The following IL34 variants were observed in gnomAD, a reference collection of about 807,000 sequenced individuals.
IL34 encodes the protein interleukin-34.
Under a neutral mutation model 25.3 loss-of-function variants are expected in IL34, and 17 were observed. That is an observed-to-expected ratio of 0.67 (90% confidence interval 0.46 to 1.01). The LOEUF (loss-of-function observed/expected upper bound fraction) is 1.01. Ranked by LOEUF, IL34 falls within the 50% of genes least tolerant of loss-of-function variation. IL34 has a pLI of 0.00. For missense variants in IL34, 368 were observed against 312.9 expected (o/e 1.18, Z -1.33); for synonymous variants, 174 against 140.9 (o/e 1.23, Z -1.66).
chr16:70,595,997 C>T (rs191812404), intron 1 of IL34, among the ~76,000 whole-genome samples: 14 of 147,366 alleles, frequency 9.5e-5, no homozygotes, highest in East Asian at 8.0e-4. Context: ...GGCGACACAG[C>T]GAGACCCCGT....
intron 1 of IL34, among the ~76,000 whole-genome samples, chr16:70,613,703 A>G (rs1373912429): frequency 6.6e-6 from 1 of 151,630 alleles, no homozygotes; most frequent in East Asian, 1.9e-4. Context: ...GTGAAACCCT[A>G]TCTCTACTAA....
At chr16:70,619,960 G>T (rs937220498) in intron 1 of IL34, among the ~76,000 whole-genome samples, 3 of 150,150 alleles carry the variant, frequency 2.0e-5, no homozygotes, top group Non-Finnish European at 3.0e-5. Context: ...CTGGAGGAAC[G>T]CCTGGCCGCT....
At position 70,632,006 on chromosome 16, in the gene IL34, TAGG is replaced by T. The variant is rs140106967; in HGVS notation, c.-400-14537_-400-14535del. On this transcript the variant is annotated intron_variant, in intron 1 of 6. Coordinates refer to the IL34 transcript ENST00000429149. ...ATCCCAGCTACTTGGGAGGCTGAGG[TAGG>T]AGGATTACCTGAGCCTGGGGAGGTC... 1.2e-3 allele frequency among the ~76,000 whole-genome samples: 183 copies of T among 150,454 alleles called. 1 individual carries two copies. The highest frequency in any genetic ancestry group is 2.3e-3 in the Non-Finnish European group (158 of 67,768).
intron 1 of IL34, among the ~76,000 whole-genome samples, chr16:70,624,714 G>T (rs189478107): frequency 6.6e-6 from 1 of 152,012 alleles, no homozygotes; most frequent in Non-Finnish European, 1.5e-5. Context: ...GTGGGGAAGG[G>T]CTAGTCACTG....
intron 1 of IL34, among the ~76,000 whole-genome samples, chr16:70,592,029 G>A (rs926418927): frequency 2.0e-5 from 3 of 152,000 alleles, no homozygotes; most frequent in Non-Finnish European, 4.4e-5. Flanking sequence ...CTCCTCCAGG[G>A]TTCCACAGTG....
chr16:70,596,719 C>T (rs2151813294), intron 1 of IL34, among the ~76,000 whole-genome samples: 1 of 152,284 alleles, frequency 6.6e-6, no homozygotes, highest in Admixed American at 6.5e-5. Context: ...GTAATGGTAG[C>T]TTACCACTGA....
chr16:70,606,082 G>A (rs1159087726), intron 1 of IL34, among the ~76,000 whole-genome samples: 1 of 149,954 alleles, frequency 6.7e-6, no homozygotes, highest in Non-Finnish European at 1.5e-5. Flanking sequence ...CTGCACAAAA[G>A]TGCATACTTG....
At chr16:70,631,432 A>G (rs1180437944) in intron 1 of IL34, among the ~76,000 whole-genome samples, 1 of 152,220 alleles carries the variant, frequency 6.6e-6, no homozygotes, top group Non-Finnish European at 1.5e-5. Context: ...TTTCCAATTT[A>G]TTCTTGTTTT....
In IL34 at chr16:70,654,394, A is replaced by G. The variant is rs907061560; in HGVS notation, c.29-144A>G. On this transcript the variant is annotated intron_variant, in intron 1 of 5. Coordinates refer to ENST00000288098, the MANE Select transcript of IL34 (RefSeq NM_001393494.1). ...AGCCAGACCCCAGGGAAAGCATTCCAGATCCCGTGCCCCCCACCACACCTT... is the reference window on the plus strand; with the variant it reads ...AGCCAGACCCCAGGGAAAGCATTCCGGATCCCGTGCCCCCCACCACACCTT... 7.2e-6 allele frequency: 8 copies of G among 1,108,688 alleles called. No individual in the cohort carries two copies. In the African/African-American group the frequency reaches 1.3e-4, roughly 17 times the overall value. The allele number at this position is 1,108,688 out of a possible 1,614,324, so 68.7% of individuals were successfully genotyped here.
chr16:70,602,050 C>T (rs998226143), intron 1 of IL34, among the ~76,000 whole-genome samples: 4 of 152,184 alleles, frequency 2.6e-5, no homozygotes, highest in Admixed American at 2.6e-4. Context: ...GAGTGGACTG[C>T]CCTGACAAGC....
At chr16:70,609,077 TTTA>T (rs1038106478) in intron 1 of IL34, among the ~76,000 whole-genome samples, 2 of 152,066 alleles carry the variant, frequency 1.3e-5, no homozygotes, top group Middle Eastern at 3.2e-3. Flanking sequence ...ATTATGTTTA[TTTA>T]TTATTATTAT....
At position 70,660,144 on chromosome 16, in the gene IL34, CGGTGAGG is replaced by C; in HGVS notation, c.687_693del (p.Val230ArgfsTer17). On this transcript the variant is annotated frameshift_variant, in exon 6 of 6. Transcript: ENST00000288098. LOFTEE classifies it low-confidence loss of function (END_TRUNC). ...AGCTCCCCGCCTCACTCCACGGGCT[CGGTGAGG>C]CCGGTCAGGGCACAGGGCGAGGGCC... 1 of 1,608,416 alleles carries C rather than the reference CGGTGAGG, an allele frequency of 6.2e-7. No homozygotes were observed.
chr16:70,649,391 G>A (rs1487785513), intron 1 of IL34, among the ~76,000 whole-genome samples: 2 of 152,200 alleles, frequency 1.3e-5, no homozygotes, highest in African/African-American at 2.4e-5. Flanking sequence ...GCTATGGAAA[G>A]CGGTGGTAAC....
intron 1 of IL34, among the ~76,000 whole-genome samples, chr16:70,634,551 G>A (rs190756128): frequency 7.8e-4 from 118 of 152,070 alleles, no homozygotes; most frequent in Middle Eastern, 6.8e-3. Flanking sequence ...GTGGTGGCAC[G>A]TGCCTATAAT....
In IL34 at chr16:70,591,602, C is replaced by T. The variant is rs1182223303; in HGVS notation, c.-401+11553C>T. On this transcript the variant is annotated intron_variant, in intron 1 of 6. Transcript: ENST00000429149. ...AAAAAAAAAAAAAGAATGGCCCTCA[C>T]CGTCCTCCCACCCTGCCCCTGTTAG... 3.3e-5 allele frequency among the ~76,000 whole-genome samples: 5 copies of T among 151,902 alleles called. 1 individual carries two copies. The highest frequency in any genetic ancestry group is 4.2e-4 in the South Asian group (2 of 4,798).
At chr16:70,649,962 C>T (rs986894768) in intron 1 of IL34, among the ~76,000 whole-genome samples, 1 of 152,062 alleles carries the variant, frequency 6.6e-6, no homozygotes, top group Non-Finnish European at 1.5e-5. Context: ...CTGCGCCTGG[C>T]TAATTTTTGT....
chr16:70,651,711 C>T (rs940675308), intron 1 of IL34, among the ~76,000 whole-genome samples: 6 of 150,778 alleles, frequency 4.0e-5, no homozygotes, highest in African/African-American at 7.3e-5. Context: ...AATTCCTGCT[C>T]ATAGCTGGGG....
At chr16:70,603,108 G>A (rs8048800) in intron 1 of IL34, among the ~76,000 whole-genome samples, 9,879 of 151,894 alleles carry the variant, frequency 0.065, 1,085 homozygotes, top group African/African-American at 0.22. Context: ...TGACATCTGC[G>A]CTGTAGTTCC....
intron 1 of IL34, among the ~76,000 whole-genome samples, chr16:70,636,906 G>A (rs762020822): frequency 6.6e-6 from 1 of 151,370 alleles, no homozygotes; most frequent in Non-Finnish European, 1.5e-5. Flanking sequence ...TTGAGACGGG[G>A]TTTCGTTCTG....
Sources: allele counts gnomAD v4.1 joint callset (sites outside exome capture counted in the v4.1 genomes callset), GRCh38; gene constraint gnomAD v4.1.1; transcripts MANE v1.5; gene names NCBI Gene and HGNC (gene_info 2026-07-23, HGNC 2026-07-21).